Variants in DPF3 observed in about 807,000 individuals in gnomAD.
DPF3 encodes the protein zinc finger protein DPF3.
A neutral mutation model predicts 56.8 loss-of-function variants in DPF3; 18 were observed. That is an observed-to-expected ratio of 0.32 (90% CI 0.22 to 0.47). The LOEUF (loss-of-function observed/expected upper bound fraction) is 0.47, where lower values mean the gene tolerates loss of function less well. Among genes scored for constraint, DPF3 ranks in the 20% least tolerant of loss-of-function variants. The pLI, the probability that DPF3 is intolerant of heterozygous loss-of-function variation, is 1.00. For missense variants in DPF3, 403 were observed against 488.8 expected (o/e 0.82, Z 1.65); for synonymous variants, 188 against 180.2 (o/e 1.04, Z -0.35).
intron 8 of DPF3, chr14:72,673,990 C>T: frequency 2.1e-6 from 1 of 470,088 alleles, no homozygotes; most frequent in South Asian, 3.6e-5. Context: ...AAGAAATATG[C>T]ACCTCATGGA....
At chr14:72,622,822 G>A (rs1401141535) in intron 9 of DPF3, among the ~76,000 whole-genome samples, 1 of 152,100 alleles carries the variant, frequency 6.6e-6, no homozygotes, top group East Asian at 1.9e-4. Context: ...CTGACCATGT[G>A]AGAGGAATCC....
intron 3 of DPF3, among the ~76,000 whole-genome samples, chr14:72,739,146 G>T (rs1471647122): frequency 6.6e-6 from 1 of 151,976 alleles, no homozygotes; most frequent in African/African-American, 2.4e-5. Flanking sequence ...AGAGGCTGAG[G>T]TGGGAGAATC....
chr14:72,668,415 G>T (rs1407875572), intron 8 of DPF3, among the ~76,000 whole-genome samples: 4 of 152,168 alleles, frequency 2.6e-5, no homozygotes, highest in African/African-American at 9.7e-5. Context: ...AGACAAGATG[G>T]TCTGGCCATG....
In DPF3 at chr14:72,834,494, CAAAAAAAAAA is replaced by C. The variant is rs375709642; in HGVS notation, c.32+59553_32+59562del. Among the ~76,000 whole-genome samples, 7 of 91,426 alleles carry C rather than the reference CAAAAAAAAAA, an allele frequency of 7.7e-5. No individual in the cohort carries two copies. In the East Asian group the frequency reaches 1.5e-3, roughly 20 times the overall value. The allele number at this position is 91,426 out of a possible 152,430, so 60.0% of individuals were successfully genotyped here. A position where few individuals can be genotyped will look rare whatever the true frequency, so the allele number is the denominator to read the frequency against. On this transcript the variant is annotated intron_variant, in intron 1 of 10. Coordinates refer to ENST00000556509, the MANE Select transcript of DPF3 (RefSeq NM_001280542.3). ...CCTGGGTAACAGAGTGAGACTGTCT[CAAAAAAAAAA>C]AAAAAAAAAAAATCAGATACCACTT... is the stretch of plus-strand genomic sequence containing the variant.
At chr14:72,656,321 G>T (rs1035724539) in intron 8 of DPF3, among the ~76,000 whole-genome samples, 1 of 152,158 alleles carries the variant, frequency 6.6e-6, no homozygotes, top group Non-Finnish European at 1.5e-5. Flanking sequence ...GTTTAACGCA[G>T]CTTGGTTATC....
chr14:72,639,253 C>T (rs1000171427), intron 8 of DPF3, among the ~76,000 whole-genome samples: 1 of 152,136 alleles, frequency 6.6e-6, no homozygotes, highest in Non-Finnish European at 1.5e-5. Context: ...AGGAACTGTA[C>T]AAGGTGCTGA....
intron 1 of DPF3, among the ~76,000 whole-genome samples, chr14:72,785,296 T>C (rs1044009842): frequency 6.6e-6 from 1 of 152,122 alleles, no homozygotes; most frequent in African/African-American, 2.4e-5. Context: ...ATTATCCCCA[T>C]ACAACTTGTA....
intron 8 of DPF3, among the ~76,000 whole-genome samples, chr14:72,667,657 T>C (rs1304123328): frequency 6.6e-6 from 1 of 152,236 alleles, no homozygotes; most frequent in Non-Finnish European, 1.5e-5. Context: ...CTAGAAGTGA[T>C]GATTAAGAAG....
At chr14:72,800,142 T>C (rs1174172772) in intron 1 of DPF3, among the ~76,000 whole-genome samples, 1 of 152,164 alleles carries the variant, frequency 6.6e-6, no homozygotes, top group African/African-American at 2.4e-5. Flanking sequence ...TCCAAATACC[T>C]CTAGGCTGCT....
At chr14:72,685,863 A>T (rs1056790690) in intron 7 of DPF3, among the ~76,000 whole-genome samples, 3 of 152,224 alleles carry the variant, frequency 2.0e-5, no homozygotes, top group Non-Finnish European at 4.4e-5. Context: ...GACAGCCAAG[A>T]GACACGTGGA....
intron 6 of DPF3, among the ~76,000 whole-genome samples, chr14:72,713,895 C>G (rs942269807): frequency 6.6e-6 from 1 of 152,170 alleles, no homozygotes; most frequent in Non-Finnish European, 1.5e-5. Flanking sequence ...GCAAGAAAGG[C>G]TGGAGATAGA....
chr14:72,619,270 G>C lies in DPF3; in HGVS notation c.*27C>G. On this transcript the variant is annotated 3_prime_UTR_variant, in exon 11 of 11. Transcript: ENST00000556509. ...GGGCTCTGCTTTAGGATCTCCAGCA[G>C]CGAGTCACATTCTGTGACCTGGGGC... 6.5e-7 allele frequency: 1 copy of C among 1,534,758 alleles called. No individual in the cohort carries two copies. The highest frequency in any genetic ancestry group is 8.7e-7 in the Non-Finnish European group (1 of 1,145,882).
intron 9 of DPF3, among the ~76,000 whole-genome samples, chr14:72,621,040 C>A (rs11623926): frequency 6.6e-6 from 1 of 151,686 alleles, no homozygotes; most frequent in Non-Finnish European, 1.5e-5. Context: ...ACTCAGGAGG[C>A]TGAGGCAGGA....
intron 1 of DPF3, among the ~76,000 whole-genome samples, chr14:72,889,885 C>T (rs749677193): frequency 1.2e-4 from 18 of 152,140 alleles, no homozygotes; most frequent in Non-Finnish European, 1.9e-4. Context: ...AATACAATCA[C>T]GTATATGTGT....
In DPF3 at chr14:72,754,010, C is replaced by CA. The variant is rs1160436020; in HGVS notation, c.194-640dup. Among the ~76,000 whole-genome samples the CA allele has an allele frequency of 4.7e-3, 652 of 139,632 alleles. 4 individuals carry two copies. Among genetic ancestry groups the CA allele is most frequent in the African/African-American group, 0.013 (492 of 38,506 alleles). The allele number at this position is 139,632 out of a possible 152,430, so 91.6% of individuals were successfully genotyped here. On this transcript the variant is annotated intron_variant, in intron 2 of 10. Transcript: ENST00000556509. ...TCCCCGCCTACATGCCTGGGCCTTA[C>CA]AAAAAAAAAAAAATAGGCAGGAGGC...
chr14:72,661,818 G>A, intron 8 of DPF3: 1 of 979,286 alleles, frequency 1.0e-6, no homozygotes, highest in Non-Finnish European at 1.2e-6. Context: ...TTAGGTGACT[G>A]AACTAATATC....
At chr14:72,682,261 T>A (rs1218535157) in intron 7 of DPF3, among the ~76,000 whole-genome samples, 1 of 151,406 alleles carries the variant, frequency 6.6e-6, no homozygotes, top group Admixed American at 6.6e-5. Context: ...TCAGTGTTCA[T>A]GACACTGAGA....
At chr14:72,713,717 C>T (rs1477548098) in intron 6 of DPF3, among the ~76,000 whole-genome samples, 1 of 152,190 alleles carries the variant, frequency 6.6e-6, no homozygotes, top group Non-Finnish European at 1.5e-5. Context: ...CAGTGCTCTG[C>T]TGTCTGGAGC....
chr14:72,810,882 C>G (rs966473440), intron 1 of DPF3, among the ~76,000 whole-genome samples: 2 of 152,168 alleles, frequency 1.3e-5, no homozygotes, highest in Non-Finnish European at 2.9e-5. Context: ...TCTTACAGGA[C>G]TAGTGAGTTA....
Sources: gnomAD v4.1 joint callset for allele counts (sites outside exome capture counted in the v4.1 genomes callset) on GRCh38, gnomAD v4.1.1 for gene constraint, MANE v1.5 for transcripts, NCBI Gene and HGNC (gene_info 2026-07-23, HGNC 2026-07-21) for gene names.